Variants in RUNX3 observed in about 807,000 individuals in gnomAD.
The protein encoded by RUNX3 is RUNX family transcription factor 3, also known as runt-related transcription factor 3.
Under a neutral mutation model 27.7 loss-of-function variants are expected in RUNX3, and 10 were observed. That is an observed-to-expected ratio of 0.36 (90% confidence interval 0.22 to 0.61). The LOEUF is 0.61. Among genes scored for constraint, RUNX3 ranks in the 20% least tolerant of loss-of-function variants. RUNX3 has a pLI of 0.72. For missense variants in RUNX3, 469 were observed against 629.5 expected (o/e 0.75, Z 2.73); for synonymous variants, 270 against 269.2 (o/e 1.00, Z -0.03).
At chr1:24,920,849 T>C (rs1640984684) in intron 2 of RUNX3, among the ~76,000 whole-genome samples, 1 of 152,248 alleles carries the variant, frequency 6.6e-6, no homozygotes, top group African/African-American at 2.4e-5. Flanking sequence ...AATTCTCTGA[T>C]GTGTCTGGGA....
chr1:24,955,182 G>A lies in RUNX3; in HGVS notation c.58+9332C>T, dbSNP rs562149705. ...TTCCACCCTTTCTAGAAAGACTTCA[G>A]GAAGTATTTGAGAAGGGCCTGAAGA... On this transcript the variant is annotated intron_variant, in intron 2 of 6. Coordinates refer to the RUNX3 transcript ENST00000338888. Among the ~76,000 whole-genome samples, 46 of 152,286 alleles carry A rather than the reference G, an allele frequency of 3.0e-4. No homozygotes were observed. In the South Asian group the frequency reaches 9.5e-3, roughly 32 times the overall value.
In RUNX3 at chr1:24,900,891, G is replaced by C. The variant is rs189347771; in HGVS notation, c.*1231C>G. 8.7e-4 allele frequency: 132 copies of C among 152,284 alleles called. 1 individual carries two copies. The highest frequency in any genetic ancestry group is 3.1e-3 in the African/African-American group (128 of 41,522). 9.4% of individuals were successfully genotyped at this position (152,284 alleles called of 1,614,324 possible). A position where few individuals can be genotyped will look rare whatever the true frequency, so the allele number is the denominator to read the frequency against. ...CAGCTGGGGGTCCGCGGGGGGGAGA[G>C]GGGGCGGGGATGTTGCTTATAATCA... is the stretch of plus-strand genomic sequence containing the variant. On this transcript the variant is annotated 3_prime_UTR_variant, in exon 5 of 5. Coordinates refer to ENST00000308873, the MANE Select transcript of RUNX3 (RefSeq NM_004350.3).
In RUNX3 at chr1:24,904,790, GGGTGGTGGGGGA is replaced by G. The variant is rs1640630061; in HGVS notation, c.704-2136_704-2125del. 6.6e-6 allele frequency among the ~76,000 whole-genome samples: 1 copy of G among 152,070 alleles called. No individual in the cohort carries two copies. Among genetic ancestry groups the G allele is most frequent in the Non-Finnish European group, 1.5e-5 (1 of 67,974 alleles). On this transcript the variant is annotated intron_variant, in intron 4 of 4. Coordinates refer to ENST00000308873, the MANE Select transcript of RUNX3 (RefSeq NM_004350.3). The surrounding 1 kb of genome is among the most constrained non-coding windows in gnomAD (Gnocchi z 5.7). ...CCTCAGGGCCACCACCCCTCCTCCGGGGTGGTGGGGGAAGTACCTGCCCTCAGCACTCCCTCA... is the reference window on the plus strand; with the variant it reads ...CCTCAGGGCCACCACCCCTCCTCCGGAGTACCTGCCCTCAGCACTCCCTCA...
At chr1:24,925,444 A>G (rs1210171795) in intron 2 of RUNX3, among the ~76,000 whole-genome samples, 1 of 152,104 alleles carries the variant, frequency 6.6e-6, no homozygotes, top group Non-Finnish European at 1.5e-5. Context: ...CCAGCTCTCA[A>G]TATGCGCCAG....
chr1:24,940,938 T>C (rs944495997), intron 2 of RUNX3, among the ~76,000 whole-genome samples: 2 of 152,190 alleles, frequency 1.3e-5, no homozygotes, highest in South Asian at 2.1e-4. Flanking sequence ...CATTCTTCTG[T>C]ACATGTATTT....
intron 3 of RUNX3, among the ~76,000 whole-genome samples, chr1:24,917,550 A>G (rs945473798): frequency 1.3e-5 from 2 of 152,000 alleles, no homozygotes; most frequent in Non-Finnish European, 2.9e-5. Flanking sequence ...TGGAGGAGGG[A>G]GCTGAGGCCC....
intron 3 of RUNX3, among the ~76,000 whole-genome samples, chr1:24,908,158 C>CGACACGCGGTGATCCAAACCTCTAT (rs1640715754): frequency 7.7e-6 from 1 of 130,138 alleles, no homozygotes; most frequent in African/African-American, 3.5e-5. Context: ...CGAACCTCTA[C>CGACACGCGGTGATCCAAACCTCTAT]GACACGCGGT....
At chr1:24,903,488 T>G (rs1345409182) in intron 4 of RUNX3, among the ~76,000 whole-genome samples, 1 of 152,186 alleles carries the variant, frequency 6.6e-6, no homozygotes, top group African/African-American at 2.4e-5. Context: ...ACTCTGCCCC[T>G]GCTCCCCCAG....
chr1:24,943,540 A>G lies in RUNX3; in HGVS notation c.59-13688T>C, dbSNP rs1289481980. On this transcript the variant is annotated intron_variant, in intron 2 of 6. Coordinates refer to the RUNX3 transcript ENST00000338888. This position sits in a 1 kb window ranked among gnomAD's most constrained non-coding sequence, Gnocchi z 4.6. ...CTCGGCAAGGTTAAGTAGCCTGCCA[A>G]ACACACAGCTACCAGGTTTTTGTCT... Among the ~76,000 whole-genome samples the G allele has an allele frequency of 6.6e-6, 1 of 152,202 alleles. No individual in the cohort carries two copies. Among genetic ancestry groups the G allele is most frequent in the Non-Finnish European group, 1.5e-5 (1 of 68,036 alleles).
At chr1:24,964,013 C>CT (rs1310697213) in intron 2 of RUNX3, among the ~76,000 whole-genome samples, 1 of 152,228 alleles carries the variant, frequency 6.6e-6, no homozygotes, top group Non-Finnish European at 1.5e-5. Flanking sequence ...CTGTGGCTTC[C>CT]TTCTCCTCCC....
rs1005320138 is a variant in RUNX3 at position 24,927,976 on chromosome 1, T to C, written c.283-246A>G. ...CTAGATCAACTGCTTACATAAACTG[T>C]GTCCCAAGAAATCATCCTTTCAATG... On this transcript the variant is annotated intron_variant, in intron 1 of 4. Coordinates refer to ENST00000308873, the MANE Select transcript of RUNX3 (RefSeq NM_004350.3). The surrounding 1 kb of genome is among the most constrained non-coding windows in gnomAD (Gnocchi z 5.0). Among the ~76,000 whole-genome samples, 1 of 152,216 alleles carries C rather than the reference T, an allele frequency of 6.6e-6. No individual in the cohort carries two copies. Among genetic ancestry groups the C allele is most frequent in the East Asian group, 1.9e-4 (1 of 5,202 alleles).
intron 3 of RUNX3, 54 bp downstream of exon 3, chr1:24,919,186 C>A: frequency 2.6e-6 from 3 of 1,154,520 alleles, no homozygotes; most frequent in Admixed American, 2.2e-5. Context: ...CTGTCCTTCC[C>A]GCACTGGACC....
intron 3 of RUNX3, among the ~76,000 whole-genome samples, chr1:24,909,026 C>A (rs970454716): frequency 2.0e-5 from 3 of 152,272 alleles, no homozygotes; most frequent in East Asian, 3.9e-4. Context: ...GAGAAAACTG[C>A]CAGCATTTTC....
chr1:24,935,003 C>T (rs903106780), upstream of RUNX3, among the ~76,000 whole-genome samples: 2 of 152,182 alleles, frequency 1.3e-5, no homozygotes, highest in Admixed American at 1.3e-4. Context: ...GGCCTCAGAA[C>T]CAGTCTGCGA....
At position 24,962,563 on chromosome 1, in the gene RUNX3, C is replaced by T. The variant is rs534718027; in HGVS notation, c.58+1951G>A. 6.6e-6 allele frequency among the ~76,000 whole-genome samples: 1 copy of T among 152,280 alleles called. No homozygotes were observed. The highest frequency in any genetic ancestry group is 2.4e-5 in the African/African-American group (1 of 41,550). On this transcript the variant is annotated intron_variant, in intron 2 of 6. Coordinates refer to the RUNX3 transcript ENST00000338888. The surrounding 1 kb of genome is among the most constrained non-coding windows in gnomAD (Gnocchi z 4.5). ...CGAGCACGTCGTGAGCAGAAATGAACAGGAGAGAGAAGGCTGAAGAGGGGA... is the reference window on the plus strand; with the variant it reads ...CGAGCACGTCGTGAGCAGAAATGAATAGGAGAGAGAAGGCTGAAGAGGGGA...
chr1:24,955,677 G>A (rs1439399576), intron 2 of RUNX3, among the ~76,000 whole-genome samples: 3 of 152,218 alleles, frequency 2.0e-5, no homozygotes, highest in African/African-American at 7.2e-5. Context: ...CTCCCTGGCT[G>A]TCGGGGTTCA....
chr1:24,953,059 C>T (rs970730856), intron 2 of RUNX3, among the ~76,000 whole-genome samples: 2 of 151,882 alleles, frequency 1.3e-5, no homozygotes, highest in African/African-American at 4.8e-5. Context: ...ACTTTTCAAA[C>T]ATTTTGAGTT....
intron 2 of RUNX3, among the ~76,000 whole-genome samples, chr1:24,963,427 C>T (rs1642172211): frequency 6.6e-6 from 1 of 152,202 alleles, no homozygotes; most frequent in Non-Finnish European, 1.5e-5. Flanking sequence ...AGCACCAGCC[C>T]CCAACCCTGA....
At chr1:24,909,323 C>T (rs760453831) in intron 3 of RUNX3, among the ~76,000 whole-genome samples, 5 of 152,216 alleles carry the variant, frequency 3.3e-5, no homozygotes, top group Admixed American at 6.5e-5. Context: ...GAGTCCCCAC[C>T]GTGACCAGTT....
Sources: allele counts gnomAD v4.1 joint callset (sites outside exome capture counted in the v4.1 genomes callset), GRCh38; gene constraint gnomAD v4.1.1; non-coding constraint Gnocchi (gnomAD v3.1); transcripts MANE v1.5; gene names NCBI Gene and HGNC (gene_info 2026-07-23, HGNC 2026-07-21).